Variants in SCAPER observed in about 807,000 individuals in gnomAD.
SCAPER encodes S phase cyclin A-associated protein in the endoplasmic reticulum.
In SCAPER, 98 loss-of-function variants were observed where a neutral mutation model predicts 182.2. The observed-to-expected ratio is 0.54, with a 90% CI of 0.46 to 0.64. The LOEUF is 0.64. SCAPER is among the 30% of genes least tolerant of loss of function. The pLI is 0.00. For synonymous variants in SCAPER, 605 were observed against 564.6 expected (o/e 1.07, Z -1.01); for missense variants, 1,432 against 1,690.0 (o/e 0.85, Z 2.68).
intron 25 of SCAPER, among the ~76,000 whole-genome samples, chr15:76,466,644 G>T (rs1430913864): frequency 1.3e-5 from 2 of 150,830 alleles, no homozygotes; most frequent in African/African-American, 2.4e-5. Flanking sequence ...CGAAAGCTTT[G>T]TTGGGATCTG....
chr15:76,856,684 A>AAAAATATC lies in SCAPER; in HGVS notation c.195+1117_195+1124dup, dbSNP rs2071410598. On this transcript the variant is annotated intron_variant, in intron 4 of 31. Coordinates refer to ENST00000563290, the MANE Select transcript of SCAPER (RefSeq NM_020843.4). ...TTTACATAATACATACTATATACTT[A>AAAAATATC]AAAATATCAAAATAATTGTCCAAAA... Among the ~76,000 whole-genome samples, 4 of 151,964 alleles carry AAAAATATC rather than the reference A, an allele frequency of 2.6e-5. No individual in the cohort carries two copies. In the South Asian group the frequency reaches 8.3e-4, roughly 32 times the overall value.
Position 76,607,635 on chromosome 15 carries a change from C to A in SCAPER, c.2711+14129G>T, listed in dbSNP as rs2050561075. 5.3e-5 allele frequency among the ~76,000 whole-genome samples: 8 copies of A among 152,292 alleles called. No individual in the cohort carries two copies. In the South Asian group the frequency reaches 1.7e-3, roughly 32 times the overall value. On this transcript the variant is annotated intron_variant, in intron 22 of 31. Transcript: ENST00000563290. ...GTTTTCCAACTTGGTTCCATTCTCC[C>A]CGTCACTTTCAGGTACACCAATCAG...
intron 21 of SCAPER, among the ~76,000 whole-genome samples, chr15:76,641,405 T>A (rs1465456027): frequency 6.6e-6 from 1 of 152,052 alleles, no homozygotes; most frequent in Non-Finnish European, 1.5e-5. Context: ...CCGCCCTCAC[T>A]AAACTTAATA....
chr15:76,749,870 A>G (rs1474780037), intron 15 of SCAPER, among the ~76,000 whole-genome samples: 1 of 152,058 alleles, frequency 6.6e-6, no homozygotes, highest in Non-Finnish European at 1.5e-5. Flanking sequence ...TTTTGTAGAA[A>G]TTCAAAAGCT....
intron 15 of SCAPER, among the ~76,000 whole-genome samples, chr15:76,734,532 T>C (rs1228700906): frequency 6.6e-6 from 1 of 152,194 alleles, no homozygotes; most frequent in East Asian, 1.9e-4. Flanking sequence ...ATAAGCACTT[T>C]AATAAGTAGA....
At chr15:76,693,997 T>G (rs1418045382) in intron 20 of SCAPER, among the ~76,000 whole-genome samples, 1 of 152,140 alleles carries the variant, frequency 6.6e-6, no homozygotes, top group East Asian at 1.9e-4. Flanking sequence ...AACTATCGCT[T>G]TGTATTTTAC....
At chr15:76,360,050 G>A (rs2041290113) in intron 29 of SCAPER, among the ~76,000 whole-genome samples, 1 of 152,154 alleles carries the variant, frequency 6.6e-6, no homozygotes, top group African/African-American at 2.4e-5. Context: ...GTGATAAGCT[G>A]TCTCTTACCC....
intron 1 of SCAPER, among the ~76,000 whole-genome samples, chr15:76,898,367 A>C (rs1262510490): frequency 2.0e-5 from 3 of 152,244 alleles, no homozygotes; most frequent in African/African-American, 7.2e-5. Flanking sequence ...AAGATAAGTC[A>C]CTATATAACC....
chr15:76,760,746 A>C (rs939377345), intron 14 of SCAPER, among the ~76,000 whole-genome samples: 2 of 152,158 alleles, frequency 1.3e-5, no homozygotes, highest in African/African-American at 4.8e-5. Flanking sequence ...AAGATCATAG[A>C]AGTTATCTGT....
At chr15:76,793,109 G>A (rs2065104483) in intron 8 of SCAPER, 1 of 589,348 alleles carries the variant, frequency 1.7e-6, no homozygotes, top group South Asian at 3.4e-5. Context: ...CTGGGTTTGG[G>A]GAAGAGAACA....
At chr15:76,419,106 C>T (rs914133498) in intron 26 of SCAPER, among the ~76,000 whole-genome samples, 3 of 152,286 alleles carry the variant, frequency 2.0e-5, no homozygotes, top group Non-Finnish European at 2.9e-5. Context: ...GCTATTGAGG[C>T]AATCACAGAC....
At chr15:76,405,752 G>C (rs2044781583) in intron 26 of SCAPER, among the ~76,000 whole-genome samples, 1 of 152,172 alleles carries the variant, frequency 6.6e-6, no homozygotes, top group African/African-American at 2.4e-5. Flanking sequence ...GAGAAGGGTA[G>C]GACTGCAAAT....
At chr15:76,570,140 A>C (rs1341310897) in intron 23 of SCAPER, among the ~76,000 whole-genome samples, 1 of 152,078 alleles carries the variant, frequency 6.6e-6, no homozygotes, top group African/African-American at 2.4e-5. Flanking sequence ...GATCATTTTA[A>C]TCTTTTTTCA....
In SCAPER at chr15:76,471,275, G is replaced by T; in HGVS notation, c.3015C>A (p.Cys1005Ter). ...NLTCNNCSEN[C>*]SDVLFSNKIT... ...TCTTGTTACTAAACAGAACATCACT[G>T]CAGTTTTCTGAACAGTTATTGCAGG... Residue 1005 changes from cysteine to a stop codon, truncating the protein, a stop_gained, in exon 25 of 32, where the codon TGC (cysteine) becomes TGA (stop). Coordinates refer to ENST00000563290, the MANE Select transcript of SCAPER (RefSeq NM_020843.4). LOFTEE classifies it high-confidence loss of function. 6.2e-7 allele frequency: 1 copy of T among 1,612,278 alleles called. No individual in the cohort carries two copies. Among genetic ancestry groups the T allele is most frequent in the South Asian group, 1.1e-5 (1 of 90,906 alleles).
At chr15:76,689,652 T>C (rs1410402303) in intron 20 of SCAPER, among the ~76,000 whole-genome samples, 1 of 151,676 alleles carries the variant, frequency 6.6e-6, no homozygotes, top group Non-Finnish European at 1.5e-5. Context: ...GAGCACTCCT[T>C]ATATCTAGGT....
At chr15:76,508,166 C>T (rs1387218451) in intron 23 of SCAPER, among the ~76,000 whole-genome samples, 4 of 152,164 alleles carry the variant, frequency 2.6e-5, no homozygotes, top group Non-Finnish European at 5.9e-5. Context: ...ATCTATACCA[C>T]ACTTTACCCA....
intron 30 of SCAPER, among the ~76,000 whole-genome samples, chr15:76,353,106 G>A (rs2040701139): frequency 6.6e-6 from 1 of 151,894 alleles, no homozygotes; most frequent in Admixed American, 6.6e-5. Context: ...CAGCCAGCTG[G>A]GTACTATCAT....
intron 29 of SCAPER, among the ~76,000 whole-genome samples, chr15:76,375,163 A>AAG: frequency 7.3e-6 from 1 of 137,396 alleles, no homozygotes; most frequent in African/African-American, 2.7e-5. Context: ...GGCTGCAGTG[A>AAG]GCCATGATCA....
intron 27 of SCAPER, among the ~76,000 whole-genome samples, chr15:76,390,681 G>A (rs776496595): frequency 5.3e-5 from 8 of 152,166 alleles, no homozygotes; most frequent in Non-Finnish European, 1.0e-4. Flanking sequence ...TCTAGCTTCA[G>A]TTTTCTCATA....
Sources: allele counts gnomAD v4.1 joint callset (sites outside exome capture counted in the v4.1 genomes callset), GRCh38; gene constraint gnomAD v4.1.1; transcripts MANE v1.5; gene names NCBI Gene and HGNC (gene_info 2026-07-23, HGNC 2026-07-21).